SNTG1: variants seen among roughly 807,000 people sequenced by gnomAD.
SNTG1 encodes syntrophin gamma 1.
Under a neutral mutation model 74.7 loss-of-function variants are expected in SNTG1, and 39 were observed. The ratio of observed to expected loss-of-function variants is 0.52; its 90% CI spans 0.40 to 0.68. SNTG1 has a LOEUF of 0.68. SNTG1 is among the 30% of genes least tolerant of loss of function. The pLI is 0.00. For missense variants in SNTG1, 685 were observed against 609.5 expected, an observed-to-expected ratio of 1.12 and a Z score of -1.30; for synonymous variants, 254 against 217.1, an observed-to-expected ratio of 1.17 and a Z score of -1.49.
At chr8:50,541,203 CA>C (rs2094344083) in intron 11 of SNTG1, among the ~76,000 whole-genome samples, 1 of 151,360 alleles carries the variant, frequency 6.6e-6, no homozygotes, top group African/African-American at 2.4e-5. Context: ...ATATCCCAAC[CA>C]GGGAATGGAC....
intron 13 of SNTG1, among the ~76,000 whole-genome samples, chr8:50,603,536 G>T (rs2094790481): frequency 6.6e-6 from 1 of 151,986 alleles, no homozygotes; most frequent in Admixed American, 6.6e-5. Flanking sequence ...TTTTTTTGGA[G>T]AAGTTATGTT....
intron 2 of SNTG1, among the ~76,000 whole-genome samples, chr8:50,295,426 C>T (rs2089315862): frequency 6.6e-6 from 1 of 152,108 alleles, no homozygotes; most frequent in Non-Finnish European, 1.5e-5. Context: ...ATATTTTTCT[C>T]CTTTAAAAAG....
chr8:50,007,568 G>C (rs978807878), intron 1 of SNTG1, among the ~76,000 whole-genome samples: 3 of 152,146 alleles, frequency 2.0e-5, no homozygotes, highest in African/African-American at 7.2e-5. Context: ...TTAAAGGTCA[G>C]AAAGGTAAAA....
At chr8:50,703,554 T>C (rs555775170) in intron 15 of SNTG1, among the ~76,000 whole-genome samples, 3 of 151,936 alleles carry the variant, frequency 2.0e-5, no homozygotes, top group East Asian at 3.9e-4. Flanking sequence ...ATAGAAGGAG[T>C]ACACTAAAAA....
At chr8:50,554,495 G>C (rs2094444688) in intron 12 of SNTG1, among the ~76,000 whole-genome samples, 2 of 147,590 alleles carry the variant, frequency 1.4e-5, no homozygotes, top group African/African-American at 5.0e-5. Flanking sequence ...TTTTTTTCTG[G>C]TGGTTCCAGG....
At chr8:50,285,373 C>T (rs1342640066) in intron 2 of SNTG1, among the ~76,000 whole-genome samples, 2 of 152,020 alleles carry the variant, frequency 1.3e-5, no homozygotes, top group Admixed American at 6.6e-5. Flanking sequence ...GTTTTGTGTG[C>T]TCTAGGTATG....
intron 12 of SNTG1, among the ~76,000 whole-genome samples, chr8:50,569,548 CA>C (rs112357497): frequency 0.11 from 15,759 of 144,186 alleles, 1,151 homozygotes; most frequent in African/African-American, 0.2. Flanking sequence ...AAACAAAAAA[CA>C]AAAAAAAAAC....
chr8:50,623,487 T>C lies in SNTG1; in HGVS notation c.849+32570T>C, dbSNP rs923200942. Among the ~76,000 whole-genome samples, 6 of 152,206 alleles carry C rather than the reference T, an allele frequency of 3.9e-5. 1 individual carries two copies. The East Asian group carries it at 1.2e-3, about 29-fold the overall frequency. ...ATCTGAGTATCTTGTAGCAATGAAG[T>C]TCTAGAATAGGAAGAACCTATTTAA... On this transcript the variant is annotated intron_variant, in intron 13 of 18. Transcript: ENST00000642720.
At chr8:50,738,936 A>G (rs571292152) in intron 17 of SNTG1, among the ~76,000 whole-genome samples, 5 of 152,154 alleles carry the variant, frequency 3.3e-5, no homozygotes, top group Admixed American at 2.6e-4. Flanking sequence ...AGACTTAAAC[A>G]TAAGACGTAA....
At chr8:50,466,886 A>G (rs2093612647) in intron 8 of SNTG1, among the ~76,000 whole-genome samples, 1 of 151,810 alleles carries the variant, frequency 6.6e-6, no homozygotes, top group Non-Finnish European at 1.5e-5. Context: ...CTATCCTTCT[A>G]CCTTGCTATA....
At chr8:49,975,951 AT>A (rs1474693676) in intron 1 of SNTG1, among the ~76,000 whole-genome samples, 1 of 151,862 alleles carries the variant, frequency 6.6e-6, no homozygotes, top group Non-Finnish European at 1.5e-5. Flanking sequence ...TCTTTCATTT[AT>A]TTTTTCAGTG....
intron 13 of SNTG1, among the ~76,000 whole-genome samples, chr8:50,650,518 A>G (rs978804234): frequency 1.3e-5 from 2 of 152,108 alleles, no homozygotes; most frequent in African/African-American, 4.8e-5. Flanking sequence ...AAGAATTTAG[A>G]TCATTTTTAA....
chr8:50,087,529 C>A (rs1185701901), intron 1 of SNTG1, among the ~76,000 whole-genome samples: 1 of 152,086 alleles, frequency 6.6e-6, no homozygotes, highest in Non-Finnish European at 1.5e-5. Context: ...TCTTTTGTTT[C>A]TAAAATATTT....
intron 8 of SNTG1, among the ~76,000 whole-genome samples, chr8:50,480,472 T>G (rs1395253810): frequency 6.6e-6 from 1 of 152,202 alleles, no homozygotes; most frequent in Admixed American, 6.5e-5. Flanking sequence ...TTATTTTCTG[T>G]TTAGCTGGAG....
intron 2 of SNTG1, among the ~76,000 whole-genome samples, chr8:50,254,340 G>T (rs1437315258): frequency 6.6e-6 from 1 of 152,114 alleles, no homozygotes; most frequent in Admixed American, 6.5e-5. Flanking sequence ...AGTTTATTTT[G>T]CAGAACTCAC....
At chr8:50,337,708 T>A (rs1257243713) in intron 2 of SNTG1, among the ~76,000 whole-genome samples, 1 of 152,212 alleles carries the variant, frequency 6.6e-6, no homozygotes, top group African/African-American at 2.4e-5. Context: ...ACAGGTTCAC[T>A]GAAAGACTGA....
chr8:50,145,989 T>C (rs2081850337), intron 1 of SNTG1, among the ~76,000 whole-genome samples: 1 of 151,314 alleles, frequency 6.6e-6, no homozygotes, highest in South Asian at 2.1e-4. Context: ...AAAAAGAATG[T>C]TAGGTGGAAA....
intron 2 of SNTG1, among the ~76,000 whole-genome samples, chr8:50,304,373 T>C (rs1355679237): frequency 3.1e-4 from 47 of 152,210 alleles, no homozygotes; most frequent in Non-Finnish European, 2.9e-5. Context: ...CATTCTGTTA[T>C]AGAAGTAGAA....
intron 8 of SNTG1, among the ~76,000 whole-genome samples, chr8:50,468,881 T>C (rs1226321799): frequency 1.3e-5 from 2 of 152,192 alleles, no homozygotes; most frequent in Non-Finnish European, 2.9e-5. Context: ...TGCTTCTTCA[T>C]GTGTAGTGCA....
Sources: gnomAD v4.1 joint callset for allele counts (sites outside exome capture counted in the v4.1 genomes callset) on GRCh38, gnomAD v4.1.1 for gene constraint, MANE v1.5 for transcripts, NCBI Gene and HGNC (gene_info 2026-07-23, HGNC 2026-07-21) for gene names.